MINDY4: variants seen among roughly 807,000 people sequenced by gnomAD.
MINDY4 encodes the protein MINDY lysine 48 deubiquitinase 4, also known as probable ubiquitin carboxyl-terminal hydrolase MINDY-4.
A neutral mutation model predicts 87.0 loss-of-function variants in MINDY4; 68 were observed. The observed-to-expected ratio is 0.78, with a 90% CI of 0.64 to 0.96. The LOEUF is 0.96. Among genes scored for constraint, MINDY4 ranks in the 40% least tolerant of loss-of-function variants. The probability of loss-of-function intolerance (pLI) is 0.00; values close to 1 mark genes in which losing one functional copy is unlikely to be tolerated. For synonymous variants in MINDY4, 379 were observed against 363.2 expected (o/e 1.04, Z -0.50); for missense variants, 919 against 928.2 (o/e 0.99, Z 0.13).
intron 13 of MINDY4, among the ~76,000 whole-genome samples, chr7:30,861,607 A>G (rs1789770074): frequency 6.6e-6 from 1 of 152,266 alleles, no homozygotes; most frequent in African/African-American, 2.4e-5. Context: ...TCCTCTGAAT[A>G]GAGCTGGAGT....
In MINDY4 at chr7:30,870,306, C is replaced by G. The variant is rs369492014; in HGVS notation, c.1746-1937C>G. Among the ~76,000 whole-genome samples, 43 of 152,336 alleles carry G rather than the reference C, an allele frequency of 2.8e-4. 1 individual carries two copies. The highest frequency in any genetic ancestry group is 9.9e-4 in the African/African-American group (41 of 41,574). On this transcript the variant is annotated intron_variant, in intron 13 of 17. Coordinates refer to ENST00000265299, the MANE Select transcript of MINDY4 (RefSeq NM_032222.3). ...GGGCCAGTGATGCTTATCGGCCCCC[C>G]CTCAGGACCCTTTTGAGGTTATTTT...
At chr7:30,858,951 G>A (rs1789663198) in intron 12 of MINDY4, 7 of 630,016 alleles carry the variant, frequency 1.1e-5, no homozygotes, top group Non-Finnish European at 2.1e-5. Context: ...CCCATTAGAT[G>A]CTTGCACCAT....
Position 30,836,734 on chromosome 7 carries a change from ATC to A in MINDY4, c.1210_1211del (p.Ser404LysfsTer4). The stretch of plus-strand genomic sequence containing the variant: ...CATCAGTGCTCAAGTTGCAGACAGC[ATC>A]AAAACCAATTGACCTCTCAGTAGCA... ...VPSVLKLQTASKPIDLSVAKE... is the reference protein window; with the variant it reads ...VPSVLKLQTAXKPIDLSVAKE... On this transcript the variant is annotated frameshift_variant, in exon 7 of 18. Transcript: ENST00000265299. LOFTEE classifies it high-confidence loss of function. 6.2e-7 allele frequency: 1 copy of A among 1,614,206 alleles called. No individual in the cohort carries two copies. The highest frequency in any genetic ancestry group is 1.3e-5 in the African/African-American group (1 of 75,060).
intron 5 of MINDY4, among the ~76,000 whole-genome samples, chr7:30,820,433 G>A (rs1788292866): frequency 6.6e-6 from 1 of 152,050 alleles, no homozygotes. Flanking sequence ...TACATTCACA[G>A]TGTTGTATAA....
At chr7:30,838,277 G>A (rs1412057704) in intron 7 of MINDY4, among the ~76,000 whole-genome samples, 3 of 152,170 alleles carry the variant, frequency 2.0e-5, no homozygotes, top group Non-Finnish European at 4.4e-5. Flanking sequence ...CTCATTATCA[G>A]CCAGAAGTCT....
chr7:30,815,179 A>G (rs972236602), intron 5 of MINDY4, among the ~76,000 whole-genome samples: 1 of 151,458 alleles, frequency 6.6e-6, no homozygotes, highest in Non-Finnish European at 1.5e-5. Context: ...ACTGGCAGCA[A>G]CTCCTTCAGG....
chr7:30,849,547 T>G (rs567976424), intron 9 of MINDY4, among the ~76,000 whole-genome samples: 1 of 152,346 alleles, frequency 6.6e-6, no homozygotes, highest in South Asian at 2.1e-4. Flanking sequence ...CTGCCATGTT[T>G]GATACAGCTG....
chr7:30,815,466 C>T (rs889894973), intron 5 of MINDY4, among the ~76,000 whole-genome samples: 7 of 152,194 alleles, frequency 4.6e-5, no homozygotes, highest in Non-Finnish European at 1.0e-4. Flanking sequence ...GCCCTGGTCA[C>T]TGGTCTCATC....
At chr7:30,834,074 G>A (rs1788788056) in intron 6 of MINDY4, among the ~76,000 whole-genome samples, 1 of 152,230 alleles carries the variant, frequency 6.6e-6, no homozygotes, top group Admixed American at 6.5e-5. Flanking sequence ...TCTGGGGTCT[G>A]GAGGACAGTA....
intron 12 of MINDY4, among the ~76,000 whole-genome samples, chr7:30,854,227 C>T (rs1789503543): frequency 6.6e-6 from 1 of 152,226 alleles, no homozygotes. Flanking sequence ...TTTCTGAATC[C>T]TTCTGTACCT....
At chr7:30,844,788 G>A (rs556673969) in intron 9 of MINDY4, among the ~76,000 whole-genome samples, 7 of 152,190 alleles carry the variant, frequency 4.6e-5, no homozygotes, top group Non-Finnish European at 5.9e-5. Context: ...GTACCAGACC[G>A]GGTCAGGACC....
intron 5 of MINDY4, among the ~76,000 whole-genome samples, chr7:30,816,834 A>G (rs1788165045): frequency 1.3e-5 from 2 of 152,216 alleles, no homozygotes; most frequent in Non-Finnish European, 2.9e-5. Context: ...CAGGCCAGCA[A>G]TTCTAGTCAG....
intron 17 of MINDY4, among the ~76,000 whole-genome samples, chr7:30,890,266 GGTT>G (rs745703965): frequency 7.2e-5 from 11 of 152,302 alleles, no homozygotes; most frequent in Non-Finnish European, 1.0e-4. Flanking sequence ...AAATTTCTTG[GGTT>G]GTTGACTAGG....
At chr7:30,809,451 A>G (rs1454093110) in intron 5 of MINDY4, among the ~76,000 whole-genome samples, 1 of 151,816 alleles carries the variant, frequency 6.6e-6, no homozygotes, top group East Asian at 1.9e-4. Context: ...GTTTCCTAAC[A>G]GGGGATCTAA....
At chr7:30,867,816 C>T (rs1177337696) in intron 13 of MINDY4, among the ~76,000 whole-genome samples, 1 of 152,148 alleles carries the variant, frequency 6.6e-6, no homozygotes. Flanking sequence ...GGGGGGATAG[C>T]TGGTTGGGTC....
At chr7:30,886,410 C>T (rs1222990098) in intron 17 of MINDY4, among the ~76,000 whole-genome samples, 1 of 152,256 alleles carries the variant, frequency 6.6e-6, no homozygotes, top group African/African-American at 2.4e-5. Context: ...AAACCCAGCT[C>T]TGTTGCCCTG....
Position 30,882,372 on chromosome 7 carries a change from T to TCGGCCCCCCCCCC in MINDY4, c.2152+12_2152+13insGGCCCCCCCCCCC. 1.3e-6 allele frequency: 2 copies of TCGGCCCCCCCCCC among 1,521,488 alleles called. No individual in the cohort carries two copies. Among genetic ancestry groups the TCGGCCCCCCCCCC allele is most frequent in the Non-Finnish European group, 1.8e-6 (2 of 1,127,544 alleles). The allele number at this position is 1,521,488 out of a possible 1,614,324, so 94.2% of individuals were successfully genotyped here. A position where few individuals can be genotyped will look rare whatever the true frequency, so the allele number is the denominator to read the frequency against. ...TCCGGCTGACCATTGGTGCGGGCCC[T>TCGGCCCCCCCCCC]CACCCCCCCACCCACCCAACCCTGT... On this transcript the variant is annotated intron_variant, in intron 16 of 17. Transcript: ENST00000265299.
chr7:30,778,322 G>T, intron 1 of MINDY4, 110 bp from the exon 2 acceptor site: 2 of 1,382,400 alleles, frequency 1.4e-6, no homozygotes, highest in Non-Finnish European at 2.0e-6. Flanking sequence ...AAGTGTAAAG[G>T]TTATATGAGA....
intron 17 of MINDY4, among the ~76,000 whole-genome samples, chr7:30,884,384 C>A (rs192669022): frequency 6.6e-6 from 1 of 152,176 alleles, no homozygotes; most frequent in African/African-American, 2.4e-5. Context: ...CTTCTTTCGT[C>A]GGGAGGATTA....
Sources: gnomAD v4.1 joint callset for allele counts (sites outside exome capture counted in the v4.1 genomes callset) on GRCh38, gnomAD v4.1.1 for gene constraint, MANE v1.5 for transcripts, NCBI Gene and HGNC (gene_info 2026-07-23, HGNC 2026-07-21) for gene names.